ILDR1: variants seen among roughly 807,000 people sequenced by gnomAD.
ILDR1 encodes the protein immunoglobulin like domain containing receptor 1.
In ILDR1, 56 loss-of-function variants were observed where a neutral mutation model predicts 62.4. The ratio of observed to expected loss-of-function variants is 0.90; its 90% CI spans 0.72 to 1.12. The LOEUF (loss-of-function observed/expected upper bound fraction) is 1.12. ILDR1 is among the 50% of genes most tolerant of loss of function. The pLI, the probability that ILDR1 is intolerant of heterozygous loss-of-function variation, is 0.00. For synonymous variants in ILDR1, 284 were observed against 277.8 expected (o/e 1.02, Z -0.22); for missense variants, 736 against 710.6 (o/e 1.04, Z -0.41).
intron 2 of ILDR1, among the ~76,000 whole-genome samples, chr3:122,005,675 C>T (rs994123467): frequency 6.6e-6 from 1 of 152,060 alleles, no homozygotes; most frequent in African/African-American, 2.4e-5. Flanking sequence ...CTCCCCATCT[C>T]CTATTCCAAC....
upstream of ILDR1, among the ~76,000 whole-genome samples, chr3:122,024,742 T>G (rs1161691900): frequency 6.6e-6 from 1 of 152,232 alleles, no homozygotes; most frequent in Non-Finnish European, 1.5e-5. Flanking sequence ...AAGAGATAAC[T>G]TGCTCAATGT....
At position 122,011,370 on chromosome 3, in the gene ILDR1, AG is replaced by A. The variant is rs140132442; in HGVS notation, c.59-4210del. ...CCTTGAGGAGGGGAAATGGGGAGAA[AG>A]GTGATCACTCAGCTCCCCTTCCATG... On this transcript the variant is annotated intron_variant, in intron 1 of 7. Coordinates refer to ENST00000344209, the MANE Select transcript of ILDR1 (RefSeq NM_001199799.2). Among the ~76,000 whole-genome samples the A allele has an allele frequency of 1.1e-3, 161 of 152,208 alleles. 1 individual carries two copies. The highest frequency in any genetic ancestry group is 6.8e-3 in the South Asian group (33 of 4,822).
chr3:121,993,353 G>A lies in ILDR1; in HGVS notation c.1396C>T (p.Arg466Cys), dbSNP rs1329560227. The A allele has an allele frequency of 1.6e-5, 26 of 1,609,720 alleles. No individual in the cohort carries two copies. The highest frequency in any genetic ancestry group is 4.5e-5 in the East Asian group (2 of 44,778). ...TQRHGRRRRH[R>C]SYSPPLPSGL... is the part of the protein sequence containing the mutation. ...GAGGGCAAGGGAGGAGAGTAGCTGC[G>A]GTGCCTGCGTCGTCTCCCGTGCCTC... is the stretch of plus-strand genomic sequence containing the variant. Residue 466 changes from arginine (R) to cysteine (C), a missense_variant, in exon 7 of 8, where the codon CGC (arginine) becomes TGC (cysteine). Transcript: ENST00000344209.
the ILDR1 span, among the ~76,000 whole-genome samples, chr3:122,051,476 T>C: frequency 6.6e-6 from 1 of 152,010 alleles, no homozygotes; most frequent in African/African-American, 2.4e-5. Flanking sequence ...AAAATTTCTA[T>C]TTGGTTCCTT....
intron 2 of ILDR1, 35 bp from the exon 3 acceptor site, chr3:122,005,428 A>G (rs1390938390): frequency 1.2e-6 from 2 of 1,612,680 alleles, no homozygotes; most frequent in South Asian, 1.1e-5. Context: ...TCACACAGCA[A>G]TAGGGGGTTC....
intron 1 of ILDR1, among the ~76,000 whole-genome samples, chr3:122,009,878 C>A (rs140292605): frequency 2.0e-5 from 3 of 152,312 alleles, no homozygotes; most frequent in African/African-American, 7.2e-5. Context: ...AGACAGACAG[C>A]AGAATGCTGC....
At chr3:122,024,223 TAG>T (rs1174947732), upstream of ILDR1, among the ~76,000 whole-genome samples, 4 of 152,152 alleles carry the variant, frequency 2.6e-5, no homozygotes, top group Non-Finnish European at 5.9e-5. Flanking sequence ...TATTAAACCT[TAG>T]AGTGTTAATG....
At chr3:122,050,713 G>A in the ILDR1 span, among the ~76,000 whole-genome samples, 1 of 151,530 alleles carries the variant, frequency 6.6e-6, no homozygotes, top group African/African-American at 2.4e-5. Flanking sequence ...TTCTGTACCT[G>A]TCTATATATC....
At chr3:122,056,886 C>T in the ILDR1 span, among the ~76,000 whole-genome samples, 1 of 152,128 alleles carries the variant, frequency 6.6e-6, no homozygotes, top group Non-Finnish European at 1.5e-5. Flanking sequence ...GCACTGTCTG[C>T]AGAGGTCTAA....
chr3:121,999,175 T>C (rs986395984), intron 5 of ILDR1, among the ~76,000 whole-genome samples: 2 of 152,214 alleles, frequency 1.3e-5, no homozygotes, highest in Admixed American at 1.3e-4. Flanking sequence ...TGTTTCTATC[T>C]TAATAGGTCA....
the ILDR1 span, among the ~76,000 whole-genome samples, chr3:122,029,282 G>A: frequency 2.0e-5 from 3 of 152,096 alleles, no homozygotes; most frequent in African/African-American, 7.2e-5. Flanking sequence ...AGAGGTGGGT[G>A]GATCACTTGA....
the ILDR1 span, among the ~76,000 whole-genome samples, chr3:122,029,511 A>ATATATATATATATATATAT: frequency 6.4e-4 from 89 of 139,476 alleles, no homozygotes; most frequent in African/African-American, 2.3e-3. Flanking sequence ...GTCTAAAAAA[A>ATATATATATATATATATAT]ATATATATAT....
At chr3:122,041,520 T>C in the ILDR1 span, among the ~76,000 whole-genome samples, 6 of 152,336 alleles carry the variant, frequency 3.9e-5, no homozygotes, top group East Asian at 3.9e-4. Context: ...TAGTCTGTTA[T>C]AGCAGCACAA....
intron 3 of ILDR1, among the ~76,000 whole-genome samples, chr3:122,004,530 C>T (rs980518352): frequency 2.6e-5 from 4 of 152,178 alleles, no homozygotes; most frequent in African/African-American, 9.7e-5. Context: ...GGGATGCACA[C>T]CCGCACCTGA....
chr3:122,011,118 G>T (rs1034353313), intron 1 of ILDR1, among the ~76,000 whole-genome samples: 24 of 152,078 alleles, frequency 1.6e-4, no homozygotes, highest in Admixed American at 5.2e-4. Context: ...AAATATAACT[G>T]GTGCAGTCAC....
At chr3:122,048,728 C>G in the ILDR1 span, among the ~76,000 whole-genome samples, 2 of 152,148 alleles carry the variant, frequency 1.3e-5, no homozygotes, top group South Asian at 4.1e-4. Flanking sequence ...TCACAGCAGT[C>G]TCTTACAATA....
At chr3:122,027,255 T>C in the ILDR1 span, among the ~76,000 whole-genome samples, 1 of 152,240 alleles carries the variant, frequency 6.6e-6, no homozygotes, top group Non-Finnish European at 1.5e-5. Flanking sequence ...AGTGGCGCAG[T>C]CTCAGCTCAC....
intron 1 of ILDR1, among the ~76,000 whole-genome samples, chr3:122,013,644 G>C (rs1211421786): frequency 6.6e-6 from 1 of 152,136 alleles, no homozygotes; most frequent in South Asian, 2.1e-4. Flanking sequence ...CTATGAACAA[G>C]AAGGAGCAAG....
chr3:122,014,883 G>A (rs1249322565), intron 1 of ILDR1, among the ~76,000 whole-genome samples: 2 of 152,168 alleles, frequency 1.3e-5, no homozygotes, highest in South Asian at 4.1e-4. Context: ...GATGCTTGGG[G>A]TTTCCCAAAG....
Sources: gnomAD v4.1 joint callset for allele counts (sites outside exome capture counted in the v4.1 genomes callset) on GRCh38, gnomAD v4.1.1 for gene constraint, MANE v1.5 for transcripts, NCBI Gene and HGNC (gene_info 2026-07-23, HGNC 2026-07-21) for gene names.